MOGAT1: variants seen among roughly 807,000 people sequenced by gnomAD.
The protein encoded by MOGAT1 is monoacylglycerol O-acyltransferase 1.
In MOGAT1, 32 loss-of-function variants were observed where a neutral mutation model predicts 31.4. The ratio of observed to expected loss-of-function variants is 1.02; its 90% CI spans 0.77 to 1.37. The LOEUF is 1.37. MOGAT1 is among the 40% of genes most tolerant of loss of function. MOGAT1 has a pLI of 0.00. For missense variants in MOGAT1, 426 were observed against 402.0 expected, an observed-to-expected ratio of 1.06 and a Z score of -0.51; for synonymous variants, 145 against 144.5, an observed-to-expected ratio of 1.00 and a Z score of -0.03.
Position 222,684,034 on chromosome 2 carries a change from G to T in MOGAT1, c.95-4310G>T, listed in dbSNP as rs186860583. Reference sequence around the variant, plus strand: ...CAGATTACCCTGAATTGCTTAATGAGATAAAAATAGAAAATAGAGGTTATC... The same window carrying T: ...CAGATTACCCTGAATTGCTTAATGATATAAAAATAGAAAATAGAGGTTATC... On this transcript the variant is annotated intron_variant, in intron 1 of 5. Transcript: ENST00000446656. Among the ~76,000 whole-genome samples, 8 of 152,270 alleles carry T rather than the reference G, an allele frequency of 5.3e-5. 1 individual carries two copies. In the East Asian group the frequency reaches 1.2e-3, roughly 22 times the overall value.
intron 1 of MOGAT1, among the ~76,000 whole-genome samples, chr2:222,685,980 T>C (rs1692659862): frequency 6.6e-6 from 1 of 152,166 alleles, no homozygotes. Context: ...GGGGTTCGGT[T>C]AGTGAAATAT....
chr2:222,674,661 A>G (rs748445145), intron 1 of MOGAT1, among the ~76,000 whole-genome samples: 2 of 152,160 alleles, frequency 1.3e-5, no homozygotes, highest in Non-Finnish European at 2.9e-5. Context: ...TAGTGAATTC[A>G]CACATTAAGA....
intron 1 of MOGAT1, among the ~76,000 whole-genome samples, chr2:222,682,286 C>A (rs1188644236): frequency 1.3e-5 from 2 of 152,116 alleles, no homozygotes; most frequent in East Asian, 1.9e-4. Flanking sequence ...ACTATCATAC[C>A]CAAGAAATTT....
intron 1 of MOGAT1, among the ~76,000 whole-genome samples, chr2:222,680,414 A>T (rs561112158): frequency 5.6e-4 from 85 of 152,160 alleles, no homozygotes; most frequent in Non-Finnish European, 9.7e-4. Context: ...AAACAAGAGA[A>T]AGGTATTTCC....
chr2:222,677,429 C>T (rs573138571), intron 1 of MOGAT1, among the ~76,000 whole-genome samples: 103 of 152,250 alleles, frequency 6.8e-4, no homozygotes, highest in Non-Finnish European at 6.0e-4. Context: ...AAAGCTACCA[C>T]GCCTGGCATA....
intron 5 of MOGAT1, among the ~76,000 whole-genome samples, chr2:222,701,283 AGAGAGAG>A (rs1414437396): frequency 2.9e-5 from 3 of 103,704 alleles, no homozygotes; most frequent in Non-Finnish European, 6.1e-5. Context: ...AAAGAGAGAG[AGAGAGAG>A]GAGGAGGAGG....
intron 1 of MOGAT1, 87 bp from the exon 2 acceptor site, chr2:222,688,257 T>C (rs1383002797): frequency 2.0e-6 from 2 of 979,996 alleles, no homozygotes; most frequent in African/African-American, 3.3e-5. Context: ...TTGACATATC[T>C]TATATGTATT....
intron 1 of MOGAT1, 58 bp downstream of exon 1, chr2:222,671,937 G>C: frequency 7.1e-7 from 1 of 1,399,000 alleles, no homozygotes; most frequent in Non-Finnish European, 9.9e-7. Flanking sequence ...CCTCGGGACG[G>C]TCCGGATTCC....
intron 1 of MOGAT1, among the ~76,000 whole-genome samples, chr2:222,687,142 AAGAACAAGAAAGAAAG>A: frequency 1.6e-5 from 1 of 60,980 alleles, no homozygotes; most frequent in East Asian, 4.8e-4. Flanking sequence ...AAAAAAAAGA[AAGAACAAGAAAGAAAG>A]AAAAAATATA....
intron 5 of MOGAT1, among the ~76,000 whole-genome samples, chr2:222,709,015 A>G (rs1042073650): frequency 1.3e-4 from 20 of 152,182 alleles, no homozygotes; most frequent in Non-Finnish European, 7.3e-5. Context: ...CTGTGAAGAT[A>G]TGTATTTTTT....
At chr2:222,676,150 C>CTT (rs59763447) in intron 1 of MOGAT1, among the ~76,000 whole-genome samples, 21 of 140,326 alleles carry the variant, frequency 1.5e-4, no homozygotes, top group Admixed American at 7.8e-4. Context: ...CACTGATCTC[C>CTT]TTTTTTTTTT....
At chr2:222,690,333 G>T (rs924092093) in intron 3 of MOGAT1, among the ~76,000 whole-genome samples, 2 of 152,150 alleles carry the variant, frequency 1.3e-5, no homozygotes, top group African/African-American at 4.8e-5. Context: ...CCGAGGTGGG[G>T]TGAATCACTT....
chr2:222,694,994 A>AT (rs746066132), intron 4 of MOGAT1, 95 bp from the exon 5 acceptor site: 72 of 962,356 alleles, frequency 7.5e-5, no homozygotes, highest in Non-Finnish European at 9.9e-5. Context: ...CATTTAAAAA[A>AT]TTTTTCAGAA....
At chr2:222,673,499 T>C (rs1435311226) in intron 1 of MOGAT1, among the ~76,000 whole-genome samples, 1 of 152,164 alleles carries the variant, frequency 6.6e-6, no homozygotes, top group Non-Finnish European at 1.5e-5. Flanking sequence ...CACGATTAAC[T>C]AGCAATCTTC....
chr2:222,703,300 T>C (rs1379597506), intron 5 of MOGAT1, among the ~76,000 whole-genome samples: 1 of 152,208 alleles, frequency 6.6e-6, no homozygotes, highest in Non-Finnish European at 1.5e-5. Flanking sequence ...CTTCCTGCTA[T>C]AGGGAGGGCA....
chr2:222,701,680 G>T (rs1337188288), intron 5 of MOGAT1, among the ~76,000 whole-genome samples: 1 of 151,650 alleles, frequency 6.6e-6, no homozygotes. Context: ...AGAGAAAAGA[G>T]GGGTGGGCAT....
chr2:222,674,693 A>G (rs1287778148), intron 1 of MOGAT1, among the ~76,000 whole-genome samples: 1 of 152,246 alleles, frequency 6.6e-6, no homozygotes, highest in African/African-American at 2.4e-5. Context: ...TAAATACTTT[A>G]GTTTGCATAT....
intron 1 of MOGAT1, among the ~76,000 whole-genome samples, chr2:222,675,428 C>T (rs1228969886): frequency 6.6e-6 from 1 of 151,628 alleles, no homozygotes; most frequent in African/African-American, 2.4e-5. Context: ...AGTCATGATG[C>T]TTGCCCGAAT....
intron 5 of MOGAT1, among the ~76,000 whole-genome samples, chr2:222,697,295 G>A (rs537559728): frequency 6.6e-6 from 1 of 152,208 alleles, no homozygotes; most frequent in South Asian, 2.1e-4. Context: ...CAGTTTATAA[G>A]TGCTTTCCAT....
Sources: gnomAD v4.1 joint callset for allele counts (sites outside exome capture counted in the v4.1 genomes callset) on GRCh38, gnomAD v4.1.1 for gene constraint, MANE v1.5 for transcripts, NCBI Gene and HGNC (gene_info 2026-07-23, HGNC 2026-07-21) for gene names.